Variants in CAMK1D observed in about 807,000 individuals in gnomAD.
The protein encoded by CAMK1D is calcium/calmodulin-dependent protein kinase type 1D.
In CAMK1D, 9 loss-of-function variants were observed where a neutral mutation model predicts 47.7. The observed-to-expected ratio is 0.19, with a 90% CI of 0.11 to 0.33. The LOEUF (loss-of-function observed/expected upper bound fraction) is 0.33, where lower values mean the gene tolerates loss of function less well. CAMK1D is among the 10% of genes least tolerant of loss of function. The pLI, the probability that CAMK1D is intolerant of heterozygous loss-of-function variation, is 1.00. For synonymous variants in CAMK1D, 184 were observed against 184.9 expected (o/e 0.99, Z 0.04); for missense variants, 291 against 488.7 (o/e 0.60, Z 3.81).
chr10:12,467,455 T>C (rs1833626193), intron 1 of CAMK1D, among the ~76,000 whole-genome samples: 1 of 152,124 alleles, frequency 6.6e-6, no homozygotes, highest in East Asian at 1.9e-4. Context: ...GCCCAGTCAC[T>C]CTCATGTTTT....
intron 1 of CAMK1D, among the ~76,000 whole-genome samples, chr10:12,499,061 A>C (rs1834623516): frequency 6.9e-6 from 1 of 145,496 alleles, no homozygotes; most frequent in African/African-American, 2.5e-5. Context: ...TTGGCTTGTA[A>C]ATTACAGCTT....
chr10:12,479,482 A>G (rs1388998349), intron 1 of CAMK1D, among the ~76,000 whole-genome samples: 1 of 152,150 alleles, frequency 6.6e-6, no homozygotes, highest in Non-Finnish European at 1.5e-5. Context: ...AGGCGCCAGC[A>G]CCGAGCCCGG....
At chr10:12,630,379 T>TC in intron 2 of CAMK1D, among the ~76,000 whole-genome samples, 1 of 131,192 alleles carries the variant, frequency 7.6e-6, no homozygotes, top group South Asian at 2.9e-4. Context: ...CTTTCTTTTT[T>TC]TTTTTTTTTA....
intron 4 of CAMK1D, among the ~76,000 whole-genome samples, chr10:12,768,282 T>G (rs1422688524): frequency 6.6e-6 from 1 of 152,196 alleles, no homozygotes; most frequent in Non-Finnish European, 1.5e-5. Context: ...AGGAGTAAAA[T>G]GGGAGGCAGG....
intron 1 of CAMK1D, among the ~76,000 whole-genome samples, chr10:12,354,704 C>G (rs1018481349): frequency 1.3e-5 from 2 of 151,780 alleles, no homozygotes; most frequent in Non-Finnish European, 2.9e-5. Context: ...GCCGCCGCGC[C>G]CAGCCGATGA....
intron 1 of CAMK1D, among the ~76,000 whole-genome samples, chr10:12,462,804 A>G (rs1016909023): frequency 6.6e-6 from 1 of 151,988 alleles, no homozygotes; most frequent in African/African-American, 2.4e-5. Flanking sequence ...CAATCCTCCC[A>G]TCTCAGCTCC....
In CAMK1D at chr10:12,544,272, GCTTT is replaced by G. The variant is rs1836288662; in HGVS notation, c.93-8948_93-8945del. Among the ~76,000 whole-genome samples, 3 of 151,946 alleles carry G rather than the reference GCTTT, an allele frequency of 2.0e-5. No individual in the cohort carries two copies. In the South Asian group the frequency reaches 6.2e-4, roughly 32 times the overall value. ...TTGGTGTTTTTTAAATAGAATAATGGCTTTCTTTATCATTCAAATAAATGTCTTG... is the reference window on the plus strand; with the variant it reads ...TTGGTGTTTTTTAAATAGAATAATGGCTTTATCATTCAAATAAATGTCTTG... On this transcript the variant is annotated intron_variant, in intron 1 of 10. Coordinates refer to ENST00000619168, the MANE Select transcript of CAMK1D (RefSeq NM_153498.4).
At chr10:12,573,163 A>G (rs1302301717) in intron 2 of CAMK1D, among the ~76,000 whole-genome samples, 1 of 152,102 alleles carries the variant, frequency 6.6e-6, no homozygotes, top group Non-Finnish European at 1.5e-5. Context: ...AATTAACATG[A>G]CCCCACAGGC....
chr10:12,694,314 A>T (rs1229297869), intron 3 of CAMK1D, among the ~76,000 whole-genome samples: 1 of 66,226 alleles, frequency 1.5e-5, no homozygotes, highest in Admixed American at 2.9e-4. Context: ...AAAATATATA[A>T]AATATAATAT....
chr10:12,642,168 A>G (rs75087872), intron 2 of CAMK1D, among the ~76,000 whole-genome samples: 1 of 152,154 alleles, frequency 6.6e-6, no homozygotes, highest in African/African-American at 2.4e-5. Context: ...AAAAGGCGGC[A>G]CAGGTGAAAT....
At chr10:12,610,015 A>G (rs1242185255) in intron 2 of CAMK1D, among the ~76,000 whole-genome samples, 1 of 152,208 alleles carries the variant, frequency 6.6e-6, no homozygotes, top group Non-Finnish European at 1.5e-5. Flanking sequence ...ACAGCCCAGT[A>G]GTGTGCTGGT....
chr10:12,450,125 TGG>T (rs1327497198), intron 1 of CAMK1D, among the ~76,000 whole-genome samples: 1 of 33,712 alleles, frequency 3.0e-5, no homozygotes, highest in Admixed American at 3.4e-4. Context: ...GGAGGGAGGG[TGG>T]GGAGAGAGAG....
intron 2 of CAMK1D, among the ~76,000 whole-genome samples, chr10:12,603,731 G>A (rs1166100760): frequency 6.6e-6 from 1 of 152,064 alleles, no homozygotes; most frequent in African/African-American, 2.4e-5. Context: ...ACAACTCTTT[G>A]CTTCCCTTGC....
intron 1 of CAMK1D, among the ~76,000 whole-genome samples, chr10:12,390,682 C>A (rs1838690777): frequency 6.6e-6 from 1 of 152,136 alleles, no homozygotes; most frequent in Non-Finnish European, 1.5e-5. Flanking sequence ...TGTGTGTTCC[C>A]CCTTGGGTCA....
Position 12,553,795 on chromosome 10 carries a change from T to C in CAMK1D, c.224+439T>C, listed in dbSNP as rs1489363131. On this transcript the variant is annotated intron_variant, in intron 2 of 10. Transcript: ENST00000619168. ...CCACATAGGAAGTGCTCAGTAAAGG[T>C]CTGTGCTGTCGCCACCGCTGTGAGT... 2.6e-5 allele frequency among the ~76,000 whole-genome samples: 4 copies of C among 152,328 alleles called. No individual in the cohort carries two copies. The East Asian group carries it at 7.7e-4, about 29-fold the overall frequency.
chr10:12,797,657 T>A (rs1035354374), intron 6 of CAMK1D, among the ~76,000 whole-genome samples: 2 of 152,198 alleles, frequency 1.3e-5, no homozygotes, highest in Admixed American at 6.5e-5. Context: ...TCATTTTAGT[T>A]CATGGATTGC....
chr10:12,789,157 G>A (rs2493768), intron 5 of CAMK1D, among the ~76,000 whole-genome samples: 3 of 152,282 alleles, frequency 2.0e-5, no homozygotes, highest in African/African-American at 4.8e-5. Flanking sequence ...GAGGACAGCT[G>A]TGAGTGTGAC....
chr10:12,696,034 C>T (rs1234217428), intron 3 of CAMK1D, among the ~76,000 whole-genome samples: 5 of 151,930 alleles, frequency 3.3e-5, no homozygotes, highest in Non-Finnish European at 5.9e-5. Context: ...GTTGAGATTG[C>T]GCCATTGCAC....
At chr10:12,385,150 G>T (rs1289043479) in intron 1 of CAMK1D, among the ~76,000 whole-genome samples, 1 of 152,198 alleles carries the variant, frequency 6.6e-6, no homozygotes, top group Non-Finnish European at 1.5e-5. Context: ...CTAGGCTGCT[G>T]GTGTGGATGT....
Sources: gnomAD v4.1 joint callset for allele counts (sites outside exome capture counted in the v4.1 genomes callset) on GRCh38, gnomAD v4.1.1 for gene constraint, MANE v1.5 for transcripts, NCBI Gene and HGNC (gene_info 2026-07-23, HGNC 2026-07-21) for gene names.